Variants in SYNPO observed in about 807,000 individuals in gnomAD.
The protein encoded by SYNPO is synaptopodin.
A neutral mutation model predicts 49.5 loss-of-function variants in SYNPO; 19 were observed. The observed-to-expected ratio is 0.38, with a 90% CI of 0.27 to 0.56. The LOEUF is 0.56. Among genes scored for constraint, SYNPO ranks in the 20% least tolerant of loss-of-function variants. The probability of loss-of-function intolerance (pLI) is 0.68; values close to 1 mark genes in which losing one functional copy is unlikely to be tolerated. For synonymous variants in SYNPO, 536 were observed against 548.0 expected (o/e 0.98, Z 0.31); for missense variants, 1,131 against 1,248.3 (o/e 0.91, Z 1.42).
At chr5:150,638,563 G>A (rs960860694), upstream of SYNPO, among the ~76,000 whole-genome samples, 1 of 152,348 alleles carries the variant, frequency 6.6e-6, no homozygotes, top group African/African-American at 2.4e-5. Flanking sequence ...AACCCCTCCT[G>A]GGTGATGGCT....
chr5:150,657,087 G>C lies in SYNPO; in HGVS notation c.2712G>C (p.Ter904TyrextTer18). 3 of 1,578,170 alleles carry C rather than the reference G, an allele frequency of 1.9e-6. No individual in the cohort carries two copies. The highest frequency in any genetic ancestry group is 2.6e-6 in the Non-Finnish European group (3 of 1,162,026). The change falls in exon 3 of 3, where the codon TAG becomes TAC. Residue 904 changes from the stop codon to tyrosine (Y), a stop_lost. Coordinates refer to ENST00000307662, the MANE Select transcript of SYNPO (RefSeq NM_007286.6). Reference sequence around the variant, plus strand: ...CCGCCGAGGCCTCCTGCACCACCTAGAGCCCCACCCCCGACCCCACCCCGG... The same window carrying C: ...CCGCCGAGGCCTCCTGCACCACCTACAGCCCCACCCCCGACCCCACCCCGG... ...SLPAEASCTT[*>Y] is the part of the protein sequence containing the mutation.
At chr5:150,627,378 C>G (rs758880112) in intron 2 of SYNPO, among the ~76,000 whole-genome samples, 12 of 152,218 alleles carry the variant, frequency 7.9e-5, no homozygotes, top group Admixed American at 2.0e-4. Context: ...CCAACCTCTG[C>G]TGCCCACTCA....
In SYNPO at chr5:150,617,129, T is replaced by TGCGAAGTTG. The variant is rs1581462498; in HGVS notation, c.-265-974_-265-973insGCGAAGTTG. The stretch of plus-strand genomic sequence containing the variant: ...CCTCTGCGTGCATTTTTTCATGTAA[T>TGCGAAGTTG]CCTCAATGCAATGCGAAGTTAGAAA... On this transcript the variant is annotated intron_variant, in intron 1 of 2. Coordinates refer to the SYNPO transcript ENST00000394243. Among the ~76,000 whole-genome samples the TGCGAAGTTG allele has an allele frequency of 2.0e-5, 3 of 152,302 alleles. No homozygotes were observed. The East Asian group carries it at 5.8e-4, about 29-fold the overall frequency.
intron 2 of SYNPO, chr5:150,650,721 A>G (rs1758346318): frequency 7.4e-7 from 1 of 1,344,484 alleles, no homozygotes; most frequent in Admixed American, 3.5e-5. Context: ...TCTGGAGCAG[A>G]CAGAGCCTGC....
chr5:150,647,580 AGAG>A (rs1278013030), intron 1 of SYNPO, among the ~76,000 whole-genome samples: 7 of 152,270 alleles, frequency 4.6e-5, no homozygotes, highest in African/African-American at 1.7e-4. Context: ...GCCTAGTGAG[AGAG>A]GAGAAGGCAG....
chr5:150,599,171 C>T (rs907497013), upstream of SYNPO, among the ~76,000 whole-genome samples: 2 of 152,342 alleles, frequency 1.3e-5, no homozygotes, highest in East Asian at 1.9e-4. Flanking sequence ...CACCATGTAC[C>T]GGGCGAAGCC....
chr5:150,618,002 A>C, intron 1 of SYNPO: 1 of 181,510 alleles, frequency 5.5e-6, no homozygotes. Context: ...AATGCCGACC[A>C]GTTCTCAGGG....
the SYNPO span, among the ~76,000 whole-genome samples, chr5:150,594,453 C>T: frequency 6.6e-6 from 1 of 152,186 alleles, no homozygotes; most frequent in Non-Finnish European, 1.5e-5. Context: ...CAGTCTTCCC[C>T]ACAACCTACC....
chr5:150,627,909 G>T (rs1444372323), intron 2 of SYNPO, among the ~76,000 whole-genome samples: 1 of 152,136 alleles, frequency 6.6e-6, no homozygotes, highest in Non-Finnish European at 1.5e-5. Context: ...ATCCCCAGGG[G>T]CTTCAGACTG....
chr5:150,632,302 C>T (rs1472377219), intron 2 of SYNPO, among the ~76,000 whole-genome samples: 1 of 152,238 alleles, frequency 6.6e-6, no homozygotes, highest in Non-Finnish European at 1.5e-5. Context: ...ATTTTGACAA[C>T]ATTCCTGAGT....
At chr5:150,608,134 A>G (rs1474939077) in intron 1 of SYNPO, among the ~76,000 whole-genome samples, 2 of 152,236 alleles carry the variant, frequency 1.3e-5, no homozygotes, top group African/African-American at 4.8e-5. Flanking sequence ...AATTATTTTT[A>G]TCACTGGTTG....
At chr5:150,608,854 C>T (rs1351619403) in intron 1 of SYNPO, among the ~76,000 whole-genome samples, 4 of 152,220 alleles carry the variant, frequency 2.6e-5, no homozygotes, top group African/African-American at 7.2e-5. Flanking sequence ...AATTGCCATG[C>T]TAACCCTTAG....
chr5:150,601,641 GCT>G, intron 1 of SYNPO, among the ~76,000 whole-genome samples: 1 of 152,332 alleles, frequency 6.6e-6, no homozygotes, highest in East Asian at 1.9e-4. Flanking sequence ...TGCTTGCAGG[GCT>G]GAAGTGGCCT....
At chr5:150,588,170 C>A in the SYNPO span, among the ~76,000 whole-genome samples, 169 of 152,290 alleles carry the variant, frequency 1.1e-3, no homozygotes, top group Non-Finnish European at 2.0e-3. Context: ...CTTTATGGAC[C>A]CTGGGAGCTT....
At chr5:150,599,635 T>C (rs1756486066), upstream of SYNPO, among the ~76,000 whole-genome samples, 1 of 152,120 alleles carries the variant, frequency 6.6e-6, no homozygotes. Context: ...GCAAAGTGTA[T>C]CGGAGAAGAG....
intron 2 of SYNPO, among the ~76,000 whole-genome samples, chr5:150,628,342 G>A (rs1370309215): frequency 6.6e-6 from 1 of 152,114 alleles, no homozygotes; most frequent in Non-Finnish European, 1.5e-5. Context: ...TGCTGCGGGT[G>A]GAACAAAATT....
intron 2 of SYNPO, among the ~76,000 whole-genome samples, chr5:150,627,236 G>C (rs1298793843): frequency 1.3e-5 from 2 of 152,224 alleles, no homozygotes; most frequent in East Asian, 3.8e-4. Context: ...GGAAGTACAG[G>C]GGGGTGCTAC....
intron 2 of SYNPO, chr5:150,650,539 CAG>C (rs1387304537): frequency 2.0e-6 from 3 of 1,470,606 alleles, no homozygotes; most frequent in Non-Finnish European, 2.7e-6. Flanking sequence ...CCTACTACAA[CAG>C]GGGTCGGACT....
chr5:150,586,497 A>G, the SYNPO span, among the ~76,000 whole-genome samples: 1 of 152,164 alleles, frequency 6.6e-6, no homozygotes, highest in African/African-American at 2.4e-5. Flanking sequence ...TAGCACTTCA[A>G]AAACTGAGGC....
Sources: gnomAD v4.1 joint callset for allele counts (sites outside exome capture counted in the v4.1 genomes callset) on GRCh38, gnomAD v4.1.1 for gene constraint, MANE v1.5 for transcripts, NCBI Gene and HGNC (gene_info 2026-07-23, HGNC 2026-07-21) for gene names.